Variants in CMIP observed in about 807,000 individuals in gnomAD.
The protein encoded by CMIP is C-Maf-inducing protein.
CMIP carries 13 observed loss-of-function variants against 97.3 expected under a neutral mutation model. That is an observed-to-expected ratio of 0.13 (90% CI 0.09 to 0.21). The LOEUF is 0.21. CMIP is among the 10% of genes least tolerant of loss of function. The pLI is 1.00. For synonymous variants in CMIP, 538 were observed against 436.3 expected (o/e 1.23, Z -2.91); for missense variants, 847 against 1,024.9 (o/e 0.83, Z 2.37).
At chr16:81,486,876 T>C (rs2089322328) in intron 1 of CMIP, among the ~76,000 whole-genome samples, 2 of 152,196 alleles carry the variant, frequency 1.3e-5, no homozygotes, top group Admixed American at 1.3e-4. Context: ...TCAACCCAGC[T>C]CAAATCAAAC....
At chr16:81,656,320 TG>T (rs2092481628) in intron 4 of CMIP, among the ~76,000 whole-genome samples, 1 of 152,254 alleles carries the variant, frequency 6.6e-6, no homozygotes, top group African/African-American at 2.4e-5. Context: ...GCCTTAAGCC[TG>T]TCCAGGTGGT....
chr16:81,516,889 C>T (rs544480247), intron 1 of CMIP, among the ~76,000 whole-genome samples: 8 of 152,228 alleles, frequency 5.3e-5, no homozygotes, highest in East Asian at 1.9e-4. Context: ...AAAAACCACA[C>T]GGCCTTCAAG....
chr16:81,596,051 G>A (rs1014695318), intron 1 of CMIP, among the ~76,000 whole-genome samples: 5 of 151,726 alleles, frequency 3.3e-5, no homozygotes, highest in African/African-American at 4.8e-5. Context: ...TTTTGTCTAC[G>A]TTCTTTTATT....
At chr16:81,537,525 A>C (rs1301136763) in intron 1 of CMIP, among the ~76,000 whole-genome samples, 3 of 129,398 alleles carry the variant, frequency 2.3e-5, no homozygotes, top group East Asian at 5.0e-4. Context: ...ACAGAGAGAG[A>C]CTCCGTCTCC....
chr16:81,501,563 G>C (rs1383958284), intron 1 of CMIP, among the ~76,000 whole-genome samples: 4 of 152,012 alleles, frequency 2.6e-5, no homozygotes, highest in African/African-American at 9.7e-5. Flanking sequence ...CAGGATCTCA[G>C]GATGGGTGTG....
intron 12 of CMIP, 45 bp from the exon 13 acceptor site, chr16:81,693,394 A>C (rs1384914325): frequency 6.3e-7 from 1 of 1,595,918 alleles, no homozygotes; most frequent in Non-Finnish European, 8.5e-7. Context: ...CCTCCCACTC[A>C]GTTCCAGACC....
intron 1 of CMIP, among the ~76,000 whole-genome samples, chr16:81,499,424 C>G (rs2089554528): frequency 6.6e-6 from 1 of 152,238 alleles, no homozygotes; most frequent in Non-Finnish European, 1.5e-5. Context: ...AGGATATTCT[C>G]TGATTTCTCC....
intron 1 of CMIP, among the ~76,000 whole-genome samples, chr16:81,507,544 G>A (rs1390251066): frequency 6.6e-6 from 1 of 152,220 alleles, no homozygotes; most frequent in East Asian, 1.9e-4. Flanking sequence ...GGGTGGAAAG[G>A]TTAAGTCGTT....
At position 81,616,658 on chromosome 16, in the gene CMIP, C is replaced by G. The variant is rs1157915881; in HGVS notation, c.427-4218C>G. On this transcript the variant is annotated intron_variant, in intron 2 of 20. Transcript: ENST00000537098. The surrounding 1 kb of genome is among the most constrained non-coding windows in gnomAD (Gnocchi z 4.7). ...CCGACCTCCAAGAGTTGAGAGGATC[C>G]CAGAGTGGAACAGAAGTGGCCAGAA... Among the ~76,000 whole-genome samples, 1 of 152,140 alleles carries G rather than the reference C, an allele frequency of 6.6e-6. No homozygotes were observed. Among genetic ancestry groups the G allele is most frequent in the Admixed American group, 6.5e-5 (1 of 15,278 alleles).
intron 1 of CMIP, among the ~76,000 whole-genome samples, chr16:81,504,641 C>CAAAAAAAAA (rs149715666): frequency 2.2e-4 from 16 of 71,968 alleles, no homozygotes; most frequent in South Asian, 4.5e-4. Flanking sequence ...AGACTCGTCT[C>CAAAAAAAAA]AAAAAAAAAA....
intron 1 of CMIP, among the ~76,000 whole-genome samples, chr16:81,506,860 A>C (rs1434358768): frequency 9.0e-5 from 13 of 145,222 alleles, no homozygotes; most frequent in African/African-American, 3.3e-4. Flanking sequence ...AGCTGAGATC[A>C]CGCCACTCCA....
chr16:81,506,407 G>A (rs1218011883), intron 1 of CMIP, among the ~76,000 whole-genome samples: 1 of 152,160 alleles, frequency 6.6e-6, no homozygotes, highest in Admixed American at 6.5e-5. Flanking sequence ...CCTCAGTTAT[G>A]CTCAGCCATT....
At chr16:81,598,497 A>C (rs1454637627) in intron 1 of CMIP, among the ~76,000 whole-genome samples, 1 of 152,230 alleles carries the variant, frequency 6.6e-6, no homozygotes, top group Non-Finnish European at 1.5e-5. Context: ...GCCAGTATCA[A>C]CTCATTTAGG....
At chr16:81,668,411 C>T (rs1036501608) in intron 7 of CMIP, among the ~76,000 whole-genome samples, 2 of 152,166 alleles carry the variant, frequency 1.3e-5, no homozygotes, top group African/African-American at 4.8e-5. Flanking sequence ...CTGTTCTGCT[C>T]CTGGCAAGCC....
intron 1 of CMIP, among the ~76,000 whole-genome samples, chr16:81,490,252 A>G (rs971107244): frequency 5.9e-5 from 9 of 152,184 alleles, no homozygotes; most frequent in Admixed American, 2.6e-4. Flanking sequence ...ATCACAGTGA[A>G]TGATGTTTCT....
chr16:81,664,686 G>A (rs1271220430), intron 7 of CMIP: 3 of 541,774 alleles, frequency 5.5e-6, no homozygotes, highest in East Asian at 5.9e-5. Context: ...CACTCCTTTA[G>A]TGTGTGCTGC....
At chr16:81,562,713 A>T (rs546954139) in intron 1 of CMIP, among the ~76,000 whole-genome samples, 3 of 152,268 alleles carry the variant, frequency 2.0e-5, no homozygotes, top group Non-Finnish European at 4.4e-5. Context: ...CCAGTGCCAG[A>T]TGGCACAGAG....
intron 4 of CMIP, among the ~76,000 whole-genome samples, chr16:81,657,119 A>G (rs2092492227): frequency 6.6e-6 from 1 of 152,246 alleles, no homozygotes; most frequent in African/African-American, 2.4e-5. Flanking sequence ...TCAACCTGTA[A>G]CAGTTACCAA....
chr16:81,609,564 A>G (rs1043339345), intron 2 of CMIP, among the ~76,000 whole-genome samples: 7 of 152,228 alleles, frequency 4.6e-5, no homozygotes, highest in South Asian at 2.1e-4. Flanking sequence ...CCATAAACAA[A>G]TGATTACGGA....
Sources: allele counts gnomAD v4.1 joint callset (sites outside exome capture counted in the v4.1 genomes callset), GRCh38; gene constraint gnomAD v4.1.1; non-coding constraint Gnocchi (gnomAD v3.1); transcripts MANE v1.5; gene names NCBI Gene and HGNC (gene_info 2026-07-23, HGNC 2026-07-21).